OBSL1: variants seen among roughly 807,000 people sequenced by gnomAD.
OBSL1 encodes obscurin-like protein 1.
Under a neutral mutation model 172.0 loss-of-function variants are expected in OBSL1, and 160 were observed. That is an observed-to-expected ratio of 0.93 (90% CI 0.82 to 1.06). The LOEUF (loss-of-function observed/expected upper bound fraction) is 1.06. OBSL1 is among the 50% of genes least tolerant of loss of function. OBSL1 has a pLI of 0.00. For missense variants in OBSL1, 2,681 were observed against 2,715.4 expected, an observed-to-expected ratio of 0.99 and a Z score of 0.28; for synonymous variants, 1,200 against 1,196.3, an observed-to-expected ratio of 1.00 and a Z score of -0.06.
intron 8 of OBSL1, among the ~76,000 whole-genome samples, 188 bp downstream of exon 8, chr2:219,562,214 C>T (rs1696529449): frequency 6.6e-6 from 1 of 152,202 alleles, no homozygotes; most frequent in Non-Finnish European, 1.5e-5. Context: ...TAGGCCTGGC[C>T]TTGGGCACCG....
Position 219,570,521 on chromosome 2 carries a change from C to A in OBSL1, c.712G>T (p.Asp238Tyr), listed in dbSNP as rs1413037281. The A allele has an allele frequency of 6.2e-7, 1 of 1,609,680 alleles. No homozygotes were observed. The highest frequency in any genetic ancestry group is 8.5e-7 in the Non-Finnish European group (1 of 1,178,562). ...QPPESPPADP[D>Y]EAPAPVVEPL... Reference sequence around the variant, plus strand: ...TCCACCACCGGCGCGGGGGCCTCGTCGGGGTCCGCGGGCGGGCTCTCGGGG... The same window carrying A: ...TCCACCACCGGCGCGGGGGCCTCGTAGGGGTCCGCGGGCGGGCTCTCGGGG... Residue 238 changes from aspartate to tyrosine, a missense_variant, in exon 1 of 21, where the codon GAC becomes TAC. This residue lies in a region of OBSL1 where 706 missense variants were observed against 695.8 expected (regional missense o/e 1.01). Transcript: ENST00000404537.
At position 219,571,268 on chromosome 2, in the gene OBSL1, G is replaced by C; in HGVS notation, c.-36C>G. On this transcript the variant is annotated 5_prime_UTR_variant, in exon 1 of 21. Transcript: ENST00000404537. ...GACCGCCTGCAGCGGCGAACGGTGG[G>C]GGGGCAGGGGGGGGTGCGGAGGGCG... 1 of 1,166,636 alleles carries C rather than the reference G, an allele frequency of 8.6e-7. No individual in the cohort carries two copies. Among genetic ancestry groups the C allele is most frequent in the Non-Finnish European group, 1.1e-6 (1 of 918,950 alleles). 72.3% of individuals were successfully genotyped at this position (1,166,636 alleles called of 1,614,324 possible). A position where few individuals can be genotyped will look rare whatever the true frequency, so the allele number is the denominator to read the frequency against.
At position 219,568,398 on chromosome 2, in the gene OBSL1, G is replaced by C; in HGVS notation, c.1013-74C>G. On this transcript the variant is annotated intron_variant, in intron 1 of 20. Transcript: ENST00000404537. The surrounding 1 kb of genome is among the most constrained non-coding windows in gnomAD (Gnocchi z 4.1). ...GACTAGGAGTAGGATACCTAGAAGC[G>C]CATTAGCTCATGCTGTGTGCTCTTC... 7.3e-7 allele frequency: 1 copy of C among 1,375,556 alleles called. No individual in the cohort carries two copies. The allele number at this position is 1,375,556 out of a possible 1,614,324, so 85.2% of individuals were successfully genotyped here.
rs375101491 is a variant in OBSL1 at position 219,556,505 on chromosome 2, C to T, written c.4285G>A (p.Val1429Met). ...GCCGTGCTCCCTGCCCGCAAAGTCA[C>T]GGTCCCTGCATCCCCCAGTTGGCAG... Reference protein sequence around the residue: ...RGCQLGDAGTVTLRAGSTATS... With the variant: ...RGCQLGDAGTMTLRAGSTATS... The change falls in exon 13 of 21, where the codon GTG (valine) becomes ATG (methionine). Residue 1429 changes from valine (V) to methionine (M), a missense_variant. Physicochemically the swap from Val to Met is conservative, Grantham distance 21. Around this residue, in one of 5 missense-constraint regions of OBSL1, gnomAD observed 1,765 missense variants for 1,748.3 expected, o/e 1.01. Coordinates refer to ENST00000404537, the MANE Select transcript of OBSL1 (RefSeq NM_015311.3). The T allele has an allele frequency of 1.2e-4, 189 of 1,613,794 alleles. No homozygotes were observed. Among genetic ancestry groups the T allele is most frequent in the Non-Finnish European group, 1.3e-4 (156 of 1,179,906 alleles).
Position 219,558,369 on chromosome 2 carries a change from G to T in OBSL1, c.3317C>A (p.Ala1106Asp). The T allele has an allele frequency of 6.2e-7, 1 of 1,611,496 alleles. No individual in the cohort carries two copies. ...CCAGCGCACCTGAGACCCAGCTGGGGCCACCTCACAGCGCAGCTCCACGCG... is the reference window on the plus strand; with the variant it reads ...CCAGCGCACCTGAGACCCAGCTGGGTCCACCTCACAGCGCAGCTCCACGCG... ...PGRVELRCEVAPAGSQVRWYK... is the reference protein window; with the variant it reads ...PGRVELRCEVDPAGSQVRWYK... The change falls in exon 10 of 21, where the codon GCC becomes GAC. Residue 1106 changes from alanine (A) to aspartate (D), a missense_variant. Ala to Asp is a moderately radical substitution (Grantham distance 126, BLOSUM62 -2). Around this residue, in one of 5 missense-constraint regions of OBSL1, gnomAD observed 1,765 missense variants for 1,748.3 expected, o/e 1.01. Coordinates refer to ENST00000404537, the MANE Select transcript of OBSL1 (RefSeq NM_015311.3).
chr2:219,559,510 GACA>G lies in OBSL1; in HGVS notation c.2954-16_2954-14del. On this transcript the variant is annotated splice_polypyrimidine_tract_variant and intron_variant, in intron 8 of 20. Transcript: ENST00000404537. ...CGCACTGGGGGTTCTGCAGGGTGGG[GACA>G]ACCACAGCCTGTCACAAGCTCACCG... is the stretch of plus-strand genomic sequence containing the variant. 2 of 1,601,166 alleles carry G rather than the reference GACA, an allele frequency of 1.2e-6. No homozygotes were observed. The highest frequency in any genetic ancestry group is 1.7e-6 in the Non-Finnish European group (2 of 1,169,534).
Position 219,565,291 on chromosome 2 carries a change from A to C in OBSL1, c.2358T>G (p.Phe786Leu). The C allele has an allele frequency of 6.2e-7, 1 of 1,613,952 alleles. No individual in the cohort carries two copies. Among genetic ancestry groups the C allele is most frequent in the African/African-American group, 1.3e-5 (1 of 75,044 alleles). ...PEAKVQDSGE[F>L]ECRTEGVSAF... ...CCGAGACCCCTTCTGTCCTGCACTC[A>C]AACTCGCCACTGTCCTGGACTTTGG... The change falls in exon 6 of 21, where the codon TTT (phenylalanine) becomes TTG (leucine). Residue 786 changes from phenylalanine to leucine, a missense_variant. Coordinates refer to ENST00000404537, the MANE Select transcript of OBSL1 (RefSeq NM_015311.3).
In OBSL1 at chr2:219,565,334, C is replaced by CGGTG; in HGVS notation, c.2311_2314dup (p.Arg772ProfsTer7). The CGGTG allele has an allele frequency of 6.2e-7, 1 of 1,614,016 alleles. No individual in the cohort carries two copies. The highest frequency in any genetic ancestry group is 8.5e-7 in the Non-Finnish European group (1 of 1,179,886). ...GACTTTGGCCTCAGGCAGGATCAGA[C>CGGTG]GGTGTTTGCGCCCATCCATCTTCAC... is the stretch of plus-strand genomic sequence containing the variant. On this transcript the variant is annotated frameshift_variant, in exon 6 of 21. Coordinates refer to ENST00000404537, the MANE Select transcript of OBSL1 (RefSeq NM_015311.3). LOFTEE classifies it high-confidence loss of function.
chr2:219,553,731 G>T (rs1441823011), intron 15 of OBSL1, 45 bp from the exon 16 acceptor site: 2 of 1,396,642 alleles, frequency 1.4e-6, no homozygotes, highest in South Asian at 1.2e-5. Flanking sequence ...GCAGGATGGG[G>T]ACCCATCTTG....
Position 219,552,560 on chromosome 2 carries a change from C to A in OBSL1, c.5284G>T (p.Ala1762Ser). ...ELGGRPLRPG[A>S]RVRIRQEGKK... ...CCTTCCTGTCGGATGCGGACGCGGG[C>A]TCCGGGTCTCAGCGGGCGGCCTCCG... The change falls in exon 18 of 21, where the codon GCC (alanine) becomes TCC (serine). Residue 1762 changes from alanine (A) to serine (S), a missense_variant. Coordinates refer to ENST00000404537, the MANE Select transcript of OBSL1 (RefSeq NM_015311.3). The A allele has an allele frequency of 1.3e-6, 2 of 1,596,350 alleles. No homozygotes were observed.
intron 12 of OBSL1, 42 bp from the exon 13 acceptor site, chr2:219,556,765 C>G (rs773053880): frequency 2.0e-6 from 3 of 1,526,356 alleles, no homozygotes. Context: ...TGAGTCTTTT[C>G]TTCTCTCTCC....
Position 219,558,434 on chromosome 2 carries a change from C to T in OBSL1, c.3252G>A (p.Pro1084=), listed in dbSNP as rs372588532. 2.5e-4 allele frequency: 400 copies of T among 1,588,008 alleles called. No individual in the cohort carries two copies. Among genetic ancestry groups the T allele is most frequent in the Non-Finnish European group, 3.1e-4 (363 of 1,169,368 alleles). ...VTAPPERIVH[P]AARSLDLHFG... Reference sequence around the variant, plus strand: ...AATGCAGATCCAGGGAGCGGGCTGCCGGGTGCACAATCCTCTCTGGTGGGG... The same window carrying T: ...AATGCAGATCCAGGGAGCGGGCTGCTGGGTGCACAATCCTCTCTGGTGGGG... The change falls in exon 10 of 21, where the codon CCG becomes CCA. Residue 1084 remains proline, a synonymous_variant. Transcript: ENST00000404537.
At chr2:219,562,881 C>T in intron 7 of OBSL1, 1 of 624,796 alleles carries the variant, frequency 1.6e-6, no homozygotes, top group Non-Finnish European at 2.8e-6. Context: ...TTCTGCTGCG[C>T]AGGAGCTGCA....
chr2:219,567,466 T>C lies in OBSL1; in HGVS notation c.1644A>G (p.Pro548=). ...WKPPEPAPET[P]FIYRLERQEV... is the part of the protein sequence containing the mutation. ...CCTGCCGCTCCAGCCGGTAGATGAA[T>C]GGGGTCTCGGGAGCTGGCTCGGGAG... is the stretch of plus-strand genomic sequence containing the variant. The change falls in exon 4 of 21, where the codon CCA becomes CCG. Residue 548 remains proline (P), a synonymous_variant. Coordinates refer to ENST00000404537, the MANE Select transcript of OBSL1 (RefSeq NM_015311.3). 1 of 1,613,678 alleles carries C rather than the reference T, an allele frequency of 6.2e-7. No individual in the cohort carries two copies. Among genetic ancestry groups the C allele is most frequent in the Non-Finnish European group, 8.5e-7 (1 of 1,179,784 alleles).
Position 219,570,379 on chromosome 2 carries a change from G to T in OBSL1, c.854C>A (p.Pro285Gln). The change falls in exon 1 of 21, where the codon CCG becomes CAG. Residue 285 changes from proline (P) to glutamine (Q), a missense_variant. This residue lies in a region of OBSL1 where 706 missense variants were observed against 695.8 expected (regional missense o/e 1.01). Transcript: ENST00000404537. Reference protein sequence around the residue: ...PEIEWHWEGRPLLPDRRRLMY... With the variant: ...PEIEWHWEGRQLLPDRRRLMY... ...GAGGCGGCGGCGGTCCGGGAGCAGC[G>T]GGCGGCCCTCCCAGTGCCATTCGAT... is the stretch of plus-strand genomic sequence containing the variant. 2.5e-6 allele frequency: 4 copies of T among 1,613,046 alleles called. No homozygotes were observed. The highest frequency in any genetic ancestry group is 1.1e-5 in the South Asian group (1 of 91,074).
Position 219,556,144 on chromosome 2 carries a change from G to T in OBSL1, c.4485C>A (p.Arg1495=). The change falls in exon 14 of 21, where the codon CGC becomes CGA. Residue 1495 remains arginine, a synonymous_variant. Transcript: ENST00000404537. ...RGGQPLPHDS[R]LSMAQDGHIH... ...TGTGCCCATCCTGGGCCATGGACAG[G>T]CGAGAGTCGTGGGGCAGGGGCTGCC... is the stretch of plus-strand genomic sequence containing the variant. The T allele has an allele frequency of 6.2e-7, 1 of 1,613,888 alleles. No individual in the cohort carries two copies. Among genetic ancestry groups the T allele is most frequent in the South Asian group, 1.1e-5 (1 of 91,078 alleles).
chr2:219,553,850 TG>T (rs1452870250), intron 15 of OBSL1, among the ~76,000 whole-genome samples, 164 bp from the exon 16 acceptor site: 1 of 44,922 alleles, frequency 2.2e-5, no homozygotes, highest in Non-Finnish European at 4.5e-5. Flanking sequence ...GTGGTGGGGG[TG>T]GGGGGGATGT....
In OBSL1 at chr2:219,552,656, C is replaced by T. The variant is rs759213380; in HGVS notation, c.5188G>A (p.Ala1730Thr). The change falls in exon 18 of 21, where the codon GCC becomes ACC. Residue 1730 changes from alanine to threonine, a missense_variant. By Grantham distance (58) the Ala-to-Thr change is moderately conservative. This residue lies in a region of OBSL1 where 1,765 missense variants were observed against 1,748.3 expected (regional missense o/e 1.01). Coordinates refer to ENST00000404537, the MANE Select transcript of OBSL1 (RefSeq NM_015311.3). ...AVLSELRSVS[A>T]REGDGATFEC... ...AACGTAGCGCCGTCGCCTTCGCGGG[C>T]GCTCACCGACCGCAGCTCGGAGAGT... is the stretch of plus-strand genomic sequence containing the variant. 1.9e-6 allele frequency: 3 copies of T among 1,543,064 alleles called. No individual in the cohort carries two copies. The highest frequency in any genetic ancestry group is 1.4e-5 in the African/African-American group (1 of 73,478).
chr2:219,552,308 C>T lies in OBSL1; in HGVS notation c.5309-92G>A, dbSNP rs563185750. 1.1e-5 allele frequency: 14 copies of T among 1,237,268 alleles called. No individual in the cohort carries two copies. The East Asian group carries it at 1.3e-4, about 11-fold the overall frequency. 76.6% of individuals were successfully genotyped at this position (1,237,268 alleles called of 1,614,324 possible). On this transcript the variant is annotated intron_variant, in intron 18 of 20. Transcript: ENST00000404537. ...GGCCCAGCAGGCCCCTGGGTCGGTT[C>T]GGACGCCGTTAGTGTATGCTAGGGT...
Sources: allele counts gnomAD v4.1 joint callset (sites outside exome capture counted in the v4.1 genomes callset), GRCh38; gene constraint gnomAD v4.1.1; regional missense constraint gnomAD v4.1.1; non-coding constraint Gnocchi (gnomAD v3.1); transcripts MANE v1.5; gene names NCBI Gene and HGNC (gene_info 2026-07-23, HGNC 2026-07-21).